CLSTN2: variants seen among roughly 807,000 people sequenced by gnomAD.
CLSTN2 encodes the protein calsyntenin 2.
A neutral mutation model predicts 101.2 loss-of-function variants in CLSTN2; 48 were observed. The ratio of observed to expected loss-of-function variants is 0.47; its 90% CI spans 0.38 to 0.60. The LOEUF is 0.60. Among genes scored for constraint, CLSTN2 ranks in the 20% least tolerant of loss-of-function variants. The pLI, the probability that CLSTN2 is intolerant of heterozygous loss-of-function variation, is 0.00. For synonymous variants in CLSTN2, 481 were observed against 463.6 expected (o/e 1.04, Z -0.48); for missense variants, 1,160 against 1,238.2 (o/e 0.94, Z 0.95).
At chr3:139,945,944 C>T (rs1055271243) in intron 1 of CLSTN2, among the ~76,000 whole-genome samples, 1 of 152,184 alleles carries the variant, frequency 6.6e-6, no homozygotes, top group African/African-American at 2.4e-5. Flanking sequence ...TTCATTAACA[C>T]TATGAACTGA....
intron 1 of CLSTN2, among the ~76,000 whole-genome samples, chr3:139,945,908 A>T (rs2107808322): frequency 6.6e-6 from 1 of 152,356 alleles, no homozygotes; most frequent in East Asian, 1.9e-4. Flanking sequence ...ATTTCTATAA[A>T]TTAATCACTC....
chr3:140,153,398 G>A (rs988464806), intron 1 of CLSTN2, among the ~76,000 whole-genome samples: 3 of 152,384 alleles, frequency 2.0e-5, no homozygotes, highest in African/African-American at 7.2e-5. Flanking sequence ...TTTGGCGGGA[G>A]CTGTGGCTTG....
intron 1 of CLSTN2, among the ~76,000 whole-genome samples, chr3:140,030,008 G>A (rs571955593): frequency 1.3e-5 from 2 of 152,084 alleles, no homozygotes; most frequent in Non-Finnish European, 2.9e-5. Context: ...GATTCTCTTC[G>A]CATCTCATCT....
chr3:140,197,359 C>A (rs927561502), intron 2 of CLSTN2, among the ~76,000 whole-genome samples: 2 of 152,062 alleles, frequency 1.3e-5, no homozygotes, highest in Admixed American at 6.5e-5. Flanking sequence ...TACTGGGGGA[C>A]TATACATATA....
intron 4 of CLSTN2, among the ~76,000 whole-genome samples, chr3:140,410,357 C>A (rs919657697): frequency 1.3e-5 from 2 of 150,618 alleles, no homozygotes; most frequent in South Asian, 4.2e-4. Flanking sequence ...TCAACAGAAA[C>A]CTTGCAGGCC....
rs1576374977 is a variant in CLSTN2 at position 139,953,931 on chromosome 3, T to TGTGTGTGTGTGTG, written c.109+18448_109+18449insGTGTGTGTGTGTG. The stretch of plus-strand genomic sequence containing the variant: ...AGAGAAGGGCTCTGTGTGTGTGTGT[T>TGTGTGTGTGTGTG]TGTGTGTGTGTGTGTGTGTGTGTTT... On this transcript the variant is annotated intron_variant, in intron 1 of 16. Coordinates refer to ENST00000458420, the MANE Select transcript of CLSTN2 (RefSeq NM_022131.3). Among the ~76,000 whole-genome samples the TGTGTGTGTGTGTG allele has an allele frequency of 2.5e-3, 375 of 147,486 alleles. 1 individual carries two copies. The highest frequency in any genetic ancestry group is 8.6e-3 in the African/African-American group (339 of 39,610).
chr3:140,033,824 A>G (rs538250606), intron 1 of CLSTN2, among the ~76,000 whole-genome samples: 1 of 152,324 alleles, frequency 6.6e-6, no homozygotes, highest in East Asian at 1.9e-4. Flanking sequence ...CACCTTTCAT[A>G]TCCTTAAAGG....
At chr3:140,537,927 G>T (rs1253784269) in intron 9 of CLSTN2, among the ~76,000 whole-genome samples, 5 of 152,166 alleles carry the variant, frequency 3.3e-5, no homozygotes, top group African/African-American at 1.2e-4. Context: ...CCTTAAGGGA[G>T]CCCTGGGGTT....
intron 1 of CLSTN2, among the ~76,000 whole-genome samples, chr3:140,001,943 T>C (rs1393877380): frequency 6.6e-6 from 1 of 152,226 alleles, no homozygotes; most frequent in Non-Finnish European, 1.5e-5. Flanking sequence ...TTGTTGCAAA[T>C]GACAGGATCT....
At chr3:140,421,337 C>G in intron 5 of CLSTN2, 63 bp downstream of exon 5, 1 of 1,575,144 alleles carries the variant, frequency 6.3e-7, no homozygotes, top group Admixed American at 1.8e-5. Flanking sequence ...AGGTGGTGTA[C>G]TTGTCCTCAA....
intron 5 of CLSTN2, among the ~76,000 whole-genome samples, chr3:140,426,106 G>T (rs1304140275): frequency 1.3e-5 from 2 of 152,182 alleles, no homozygotes; most frequent in South Asian, 2.1e-4. Flanking sequence ...TTTTGAATTT[G>T]CAATCTTTCT....
At chr3:140,247,623 A>G (rs1468728058) in intron 2 of CLSTN2, among the ~76,000 whole-genome samples, 1 of 152,184 alleles carries the variant, frequency 6.6e-6, no homozygotes, top group East Asian at 1.9e-4. Context: ...CTGTCCCCTG[A>G]TGGCCTTGGG....
chr3:140,182,957 G>T (rs550255537), intron 2 of CLSTN2, among the ~76,000 whole-genome samples: 4 of 152,278 alleles, frequency 2.6e-5, no homozygotes, highest in African/African-American at 2.4e-5. Context: ...GGGATGGCTA[G>T]AGGAGGGACT....
intron 2 of CLSTN2, among the ~76,000 whole-genome samples, chr3:140,349,356 A>G (rs2087582838): frequency 6.6e-6 from 1 of 152,226 alleles, no homozygotes; most frequent in Non-Finnish European, 1.5e-5. Flanking sequence ...ATCATAAATG[A>G]GCATCTGCTT....
intron 1 of CLSTN2, among the ~76,000 whole-genome samples, chr3:140,013,265 T>C (rs1258752229): frequency 2.0e-5 from 3 of 152,204 alleles, no homozygotes; most frequent in African/African-American, 4.8e-5. Context: ...ATGAATCTAA[T>C]TGTGAGTGAG....
chr3:140,497,618 T>C (rs1000654830), intron 8 of CLSTN2, among the ~76,000 whole-genome samples: 1 of 152,186 alleles, frequency 6.6e-6, no homozygotes, highest in African/African-American at 2.4e-5. Flanking sequence ...TGAGGTGCCA[T>C]GGAAGTGGGG....
intron 1 of CLSTN2, among the ~76,000 whole-genome samples, chr3:140,025,531 G>T (rs964277307): frequency 6.6e-6 from 1 of 152,132 alleles, no homozygotes; most frequent in Non-Finnish European, 1.5e-5. Context: ...TATTGTGGAG[G>T]TTATTTCAAA....
intron 4 of CLSTN2, among the ~76,000 whole-genome samples, chr3:140,415,794 T>C (rs2088425990): frequency 6.6e-6 from 1 of 152,208 alleles, no homozygotes; most frequent in African/African-American, 2.4e-5. Flanking sequence ...ATCATGAATG[T>C]ACCTCAAAAA....
chr3:140,478,729 C>T (rs1934043930), intron 8 of CLSTN2, among the ~76,000 whole-genome samples: 1 of 145,164 alleles, frequency 6.9e-6, no homozygotes, highest in African/African-American at 2.5e-5. Context: ...TCTTATGATG[C>T]ATACATCATA....
Sources: allele counts gnomAD v4.1 joint callset (sites outside exome capture counted in the v4.1 genomes callset), GRCh38; gene constraint gnomAD v4.1.1; transcripts MANE v1.5; gene names NCBI Gene and HGNC (gene_info 2026-07-23, HGNC 2026-07-21).